The following STT3B variants were observed in gnomAD, a reference collection of about 807,000 sequenced individuals.
STT3B encodes the protein dolichyl-diphosphooligosaccharide--protein glycosyltransferase subunit STT3B.
Under a neutral mutation model 96.8 loss-of-function variants are expected in STT3B, and 29 were observed. That is an observed-to-expected ratio of 0.30 (90% confidence interval 0.22 to 0.41). The LOEUF (loss-of-function observed/expected upper bound fraction) is 0.41. STT3B is among the 10% of genes least tolerant of loss of function. The pLI, the probability that STT3B is intolerant of heterozygous loss-of-function variation, is 1.00. For synonymous variants in STT3B, 367 were observed against 360.0 expected, an observed-to-expected ratio of 1.02 and a Z score of -0.22; for missense variants, 640 against 1,022.3, an observed-to-expected ratio of 0.63 and a Z score of 5.10.
chr3:31,534,025 T>A (rs898587909), intron 1 of STT3B, among the ~76,000 whole-genome samples: 1 of 152,236 alleles, frequency 6.6e-6, no homozygotes, highest in Non-Finnish European at 1.5e-5. Flanking sequence ...TGGCTTTTTT[T>A]CAGAGCTCTT....
chr3:31,626,397 C>T (rs1203994941), intron 13 of STT3B, among the ~76,000 whole-genome samples: 1 of 152,192 alleles, frequency 6.6e-6, no homozygotes, highest in African/African-American at 2.4e-5. Flanking sequence ...CCTCTCATGT[C>T]ATCCCTTTCT....
intron 14 of STT3B, 89 bp from the exon 15 acceptor site, chr3:31,632,846 G>A: frequency 9.2e-7 from 1 of 1,085,598 alleles, no homozygotes; most frequent in South Asian, 1.5e-5. Flanking sequence ...AAAGGGAGAA[G>A]GTATTACTGT....
intron 1 of STT3B, among the ~76,000 whole-genome samples, chr3:31,562,913 C>T (rs1351489352): frequency 2.6e-5 from 4 of 152,162 alleles, no homozygotes; most frequent in African/African-American, 9.7e-5. Context: ...GCAGTGCTTT[C>T]GCGTGGACTT....
At chr3:31,573,084 A>G (rs921892376) in intron 1 of STT3B, among the ~76,000 whole-genome samples, 1 of 152,088 alleles carries the variant, frequency 6.6e-6, no homozygotes, top group Non-Finnish European at 1.5e-5. Context: ...GGCAGAGGGG[A>G]TTAGCAGTCT....
At position 31,627,235 on chromosome 3, in the gene STT3B, C is replaced by G. The variant is rs563112279; in HGVS notation, c.2073+1108C>G. Among the ~76,000 whole-genome samples, 269 of 152,326 alleles carry G rather than the reference C, an allele frequency of 1.8e-3. 1 individual carries two copies. Among genetic ancestry groups the G allele is most frequent in the African/African-American group, 6.0e-3 (251 of 41,582 alleles). ...TTGCCGCCTGAGCTCCGCCTCCTAT[C>G]AGACCAGCGGCAGCATTAGATTTTC... On this transcript the variant is annotated intron_variant, in intron 13 of 15. Coordinates refer to ENST00000295770, the MANE Select transcript of STT3B (RefSeq NM_178862.3).
intron 1 of STT3B, among the ~76,000 whole-genome samples, chr3:31,556,321 A>AT (rs1241193988): frequency 6.6e-6 from 1 of 152,164 alleles, no homozygotes; most frequent in East Asian, 1.9e-4. Context: ...TCCTAGGTTG[A>AT]TTCTGCATCT....
At chr3:31,543,723 G>A (rs566406466) in intron 1 of STT3B, among the ~76,000 whole-genome samples, 118 of 152,306 alleles carry the variant, frequency 7.7e-4, no homozygotes, top group Non-Finnish European at 1.3e-3. Context: ...GGAAGAAATG[G>A]TATATGTGAG....
chr3:31,539,419 T>C (rs1307492911), intron 1 of STT3B, among the ~76,000 whole-genome samples: 2 of 152,190 alleles, frequency 1.3e-5, no homozygotes, highest in African/African-American at 2.4e-5. Flanking sequence ...TTTATTTCCA[T>C]AGACAAAAGA....
At chr3:31,590,880 G>C (rs1698649862) in intron 3 of STT3B, among the ~76,000 whole-genome samples, 1 of 151,994 alleles carries the variant, frequency 6.6e-6, no homozygotes, top group African/African-American at 2.4e-5. Context: ...TTCAAAACAA[G>C]ATTGCTGGAT....
At chr3:31,540,813 G>A (rs1697248772) in intron 1 of STT3B, among the ~76,000 whole-genome samples, 1 of 152,098 alleles carries the variant, frequency 6.6e-6, no homozygotes, top group East Asian at 1.9e-4. Flanking sequence ...ATTATTGTTT[G>A]TTGCTGACCA....
At chr3:31,534,073 G>A (rs1484885564) in intron 1 of STT3B, among the ~76,000 whole-genome samples, 2 of 152,026 alleles carry the variant, frequency 1.3e-5, no homozygotes, top group African/African-American at 4.8e-5. Flanking sequence ...CTATCGTCTT[G>A]GGTTGCTTTT....
intron 5 of STT3B, among the ~76,000 whole-genome samples, chr3:31,612,913 A>G (rs1699217166): frequency 6.6e-6 from 1 of 152,198 alleles, no homozygotes; most frequent in Non-Finnish European, 1.5e-5. Flanking sequence ...TTTCTGGAGA[A>G]TGTGACTTAG....
intron 5 of STT3B, among the ~76,000 whole-genome samples, chr3:31,611,396 T>C (rs1300090575): frequency 6.6e-6 from 1 of 152,260 alleles, no homozygotes; most frequent in African/African-American, 2.4e-5. Flanking sequence ...CTCAAGTTAA[T>C]GTTTAAATGC....
intron 12 of STT3B, 131 bp downstream of exon 12, chr3:31,625,216 A>G: frequency 1.4e-6 from 1 of 717,818 alleles, no homozygotes; most frequent in Non-Finnish European, 2.2e-6. Flanking sequence ...TTTTTTACAC[A>G]TATGTTCAAT....
At chr3:31,582,905 ATCTG>A (rs1327811099) in intron 3 of STT3B, among the ~76,000 whole-genome samples, 1 of 152,058 alleles carries the variant, frequency 6.6e-6, no homozygotes, top group Non-Finnish European at 1.5e-5. Flanking sequence ...TTTGTATGGT[ATCTG>A]TCTTTTTAAA....
At chr3:31,630,520 C>G (rs1453504852) in intron 14 of STT3B, among the ~76,000 whole-genome samples, 1 of 152,212 alleles carries the variant, frequency 6.6e-6, no homozygotes, top group Admixed American at 6.5e-5. Context: ...GTTTCTCCTG[C>G]ATAATGTGCG....
intron 14 of STT3B, among the ~76,000 whole-genome samples, chr3:31,631,453 C>T (rs986628657): frequency 6.6e-6 from 1 of 152,158 alleles, no homozygotes; most frequent in African/African-American, 2.4e-5. Context: ...CTACTGATCA[C>T]GTTGAAGGAC....
rs1490503364 is a variant in STT3B, at chr3:31,590,435, AC to A, written c.712-6362del. The stretch of plus-strand genomic sequence containing the variant: ...AGTATAACTATTTATACTAGAATAT[AC>A]TGTATTTACTTCTTTAGCTGTAGTC... On this transcript the variant is annotated intron_variant, in intron 3 of 15. Coordinates refer to ENST00000295770, the MANE Select transcript of STT3B (RefSeq NM_178862.3). Among the ~76,000 whole-genome samples, 6 of 152,014 alleles carry A rather than the reference AC, an allele frequency of 3.9e-5. No homozygotes were observed. The East Asian group carries it at 1.2e-3, about 29-fold the overall frequency.
chr3:31,543,232 C>T (rs1575405026), intron 1 of STT3B, among the ~76,000 whole-genome samples: 1 of 152,036 alleles, frequency 6.6e-6, no homozygotes, highest in East Asian at 1.9e-4. Context: ...TAGGCCAGAG[C>T]CATTTTGAAG....
Sources: allele counts gnomAD v4.1 joint callset (sites outside exome capture counted in the v4.1 genomes callset), GRCh38; gene constraint gnomAD v4.1.1; transcripts MANE v1.5; gene names NCBI Gene and HGNC (gene_info 2026-07-23, HGNC 2026-07-21).